Variants in PIK3CA observed in about 807,000 individuals in gnomAD.
PIK3CA encodes the protein phosphatidylinositol 4,5-bisphosphate 3-kinase catalytic subunit alpha isoform.
PIK3CA carries 27 observed loss-of-function variants against 138.2 expected under a neutral mutation model. The observed-to-expected ratio is 0.20, with a 90% CI of 0.14 to 0.27. The LOEUF (loss-of-function observed/expected upper bound fraction) is 0.27, where lower values mean the gene tolerates loss of function less well. PIK3CA is among the 10% of genes least tolerant of loss of function. PIK3CA has a pLI of 1.00. For missense variants in PIK3CA, 544 were observed against 1,277.4 expected, an observed-to-expected ratio of 0.43 and a Z score of 8.75; for synonymous variants, 358 against 413.2, an observed-to-expected ratio of 0.87 and a Z score of 1.62.
chr3:179,204,627 T>C (rs1724509673), intron 6 of PIK3CA, 39 bp downstream of exon 6: 1 of 1,022,382 alleles, frequency 9.8e-7, no homozygotes, highest in African/African-American at 1.6e-5. Flanking sequence ...AAAGGTTATA[T>C]TAGTGTTTAG....
chr3:179,169,489 T>C (rs1560126566), intron 1 of PIK3CA, among the ~76,000 whole-genome samples: 1 of 152,226 alleles, frequency 6.6e-6, no homozygotes, highest in Admixed American at 6.5e-5. Flanking sequence ...AAAGTTTTCT[T>C]CGTTTATTTT....
chr3:179,160,424 T>C (rs1009264248), intron 1 of PIK3CA, among the ~76,000 whole-genome samples: 1 of 152,224 alleles, frequency 6.6e-6, no homozygotes, highest in Non-Finnish European at 1.5e-5. Flanking sequence ...GATTCTGTTA[T>C]TCAGACATGT....
chr3:179,163,044 A>G (rs544349749), intron 1 of PIK3CA, among the ~76,000 whole-genome samples: 16 of 152,272 alleles, frequency 1.1e-4, no homozygotes, highest in African/African-American at 3.4e-4. Context: ...TGGCATACAC[A>G]TTGATAGTAA....
intron 4 of PIK3CA, 89 bp from the exon 5 acceptor site, chr3:179,203,455 A>T (rs1026197643): frequency 8.1e-7 from 1 of 1,230,618 alleles, no homozygotes; most frequent in Non-Finnish European, 1.1e-6. Flanking sequence ...TCACCTTTGC[A>T]GATTAATATG....
Position 179,204,669 on chromosome 3 carries a change from T to A in PIK3CA, c.1145+81T>A, listed in dbSNP as rs1576935271. 5.8e-6 allele frequency: 4 copies of A among 688,164 alleles called. No homozygotes were observed. The East Asian group carries it at 1.1e-4, about 18-fold the overall frequency. The allele number at this position is 688,164 out of a possible 1,614,324, so 42.6% of individuals were successfully genotyped here. A position where few individuals can be genotyped will look rare whatever the true frequency, so the allele number is the denominator to read the frequency against. On this transcript the variant is annotated intron_variant, in intron 6 of 20. Coordinates refer to ENST00000263967, the MANE Select transcript of PIK3CA (RefSeq NM_006218.4). Reference sequence around the variant, plus strand: ...GATCCATAAAAGTAGTATATTTTTTTAGACCAGCCTGGGCAACAAAGCAAG... The same window carrying A: ...GATCCATAAAAGTAGTATATTTTTTAAGACCAGCCTGGGCAACAAAGCAAG...
In PIK3CA at chr3:179,235,122, TA is replaced by T. The variant is rs1327253616; in HGVS notation, c.*773del. 8,924 of 153,504 alleles carry T rather than the reference TA, an allele frequency of 0.058. No homozygotes were observed. Among genetic ancestry groups the T allele is most frequent in the East Asian group, 0.19 (1,834 of 9,480 alleles). The allele number at this position is 153,504 out of a possible 1,614,324, so 9.5% of individuals were successfully genotyped here. A position where few individuals can be genotyped will look rare whatever the true frequency, so the allele number is the denominator to read the frequency against. On this transcript the variant is annotated 3_prime_UTR_variant, in exon 21 of 21. Coordinates refer to ENST00000263967, the MANE Select transcript of PIK3CA (RefSeq NM_006218.4). Reference sequence around the variant, plus strand: ...AGGGAAATTCTGGGCTCCCACAAAGTAAAAAAAAAAAAAAATCATAGAAAAA... The same window carrying T: ...AGGGAAATTCTGGGCTCCCACAAAGTAAAAAAAAAAAAAATCATAGAAAAA...
At chr3:179,167,699 G>T (rs1200599391) in intron 1 of PIK3CA, among the ~76,000 whole-genome samples, 1 of 152,022 alleles carries the variant, frequency 6.6e-6, no homozygotes, top group African/African-American at 2.4e-5. Context: ...GCTACAGTTG[G>T]ATTTCTTTCT....
intron 14 of PIK3CA, among the ~76,000 whole-genome samples, chr3:179,222,801 G>C (rs894405481): frequency 1.2e-4 from 18 of 152,186 alleles, no homozygotes; most frequent in African/African-American, 3.9e-4. Context: ...TGTAGGAAGA[G>C]ATAAAAGTTC....
Position 179,235,281 on chromosome 3 carries a change from T to TA in PIK3CA, c.*922dup, listed in dbSNP as rs1405272459. 2.2e-5 allele frequency: 4 copies of TA among 179,910 alleles called. No homozygotes were observed. The highest frequency in any genetic ancestry group is 1.9e-4 in the Admixed American group (3 of 15,902). The allele number at this position is 179,910 out of a possible 1,614,324, so 11.1% of individuals were successfully genotyped here. A position where few individuals can be genotyped will look rare whatever the true frequency, so the allele number is the denominator to read the frequency against. On this transcript the variant is annotated 3_prime_UTR_variant, in exon 21 of 21. Transcript: ENST00000263967. ...CAGAAAATAGAAGTATTAATGTTAT[T>TA]AAAAAGATTATTTTTTTTATTAAAG...
intron 20 of PIK3CA, among the ~76,000 whole-genome samples, chr3:179,232,502 A>G (rs2108427281): frequency 6.6e-6 from 1 of 152,184 alleles, no homozygotes; most frequent in Admixed American, 6.5e-5. Context: ...TTTGGTAATT[A>G]TAGTTTCCTG....
At chr3:179,196,178 G>A (rs1724261480) in intron 1 of PIK3CA, among the ~76,000 whole-genome samples, 1 of 152,104 alleles carries the variant, frequency 6.6e-6, no homozygotes, top group Non-Finnish European at 1.5e-5. Flanking sequence ...GTTCCCTGTG[G>A]GTTGTTATTT....
intron 1 of PIK3CA, among the ~76,000 whole-genome samples, chr3:179,192,906 G>T (rs572675979): frequency 6.6e-6 from 1 of 152,346 alleles, no homozygotes; most frequent in East Asian, 1.9e-4. Context: ...AGATGTCATT[G>T]TCTTCTTGGT....
chr3:179,231,941 C>T (rs1487687203), intron 20 of PIK3CA, among the ~76,000 whole-genome samples: 2 of 152,080 alleles, frequency 1.3e-5, no homozygotes, highest in Admixed American at 1.3e-4. Flanking sequence ...CTGCATCCTG[C>T]TTTAACCCAC....
intron 1 of PIK3CA, among the ~76,000 whole-genome samples, chr3:179,171,407 G>C (rs115026200): frequency 6.6e-6 from 1 of 152,018 alleles, no homozygotes; most frequent in East Asian, 1.9e-4. Flanking sequence ...AAAGAGTAAA[G>C]TGTACCAAAG....
intron 7 of PIK3CA, among the ~76,000 whole-genome samples, chr3:179,209,932 A>T (rs1724665381): frequency 6.6e-6 from 1 of 152,214 alleles, no homozygotes; most frequent in African/African-American, 2.4e-5. Flanking sequence ...ATGCAAAGTG[A>T]CTATATAACA....
intron 14 of PIK3CA, among the ~76,000 whole-genome samples, chr3:179,222,570 A>C (rs1039801229): frequency 3.3e-5 from 5 of 152,222 alleles, no homozygotes; most frequent in East Asian, 1.9e-4. Context: ...GGCATTTTGT[A>C]GATGTGATGG....
At chr3:179,204,264 T>C (rs534991317) in intron 5 of PIK3CA, among the ~76,000 whole-genome samples, 20 of 152,172 alleles carry the variant, frequency 1.3e-4, no homozygotes, top group Non-Finnish European at 2.6e-4. Flanking sequence ...CTTAAGGGGA[T>C]TGTGGGCCTA....
intron 14 of PIK3CA, 106 bp from the exon 15 acceptor site, chr3:179,223,975 A>T: frequency 1.8e-6 from 1 of 552,766 alleles, no homozygotes. Flanking sequence ...ATGTAGATTC[A>T]GAGACTGTAC....
intron 1 of PIK3CA, among the ~76,000 whole-genome samples, chr3:179,191,557 TTC>T (rs1487860033): frequency 2.0e-5 from 3 of 152,148 alleles, no homozygotes; most frequent in Admixed American, 6.6e-5. Flanking sequence ...CAAAATAACT[TTC>T]TTTCTTATTT....
Sources: allele counts gnomAD v4.1 joint callset (sites outside exome capture counted in the v4.1 genomes callset), GRCh38; gene constraint gnomAD v4.1.1; transcripts MANE v1.5; gene names NCBI Gene and HGNC (gene_info 2026-07-23, HGNC 2026-07-21).